Variants in RNF2 observed in about 807,000 individuals in gnomAD.
The protein encoded by RNF2 is ring finger protein 2.
Under a neutral mutation model 37.2 loss-of-function variants are expected in RNF2, and 6 were observed. The observed-to-expected ratio is 0.16, with a 90% CI of 0.09 to 0.32. RNF2 has a LOEUF of 0.32. Ranked by LOEUF, RNF2 falls within the 10% of genes least tolerant of loss-of-function variation. The probability of loss-of-function intolerance (pLI) is 1.00; values close to 1 mark genes in which losing one functional copy is unlikely to be tolerated. For missense variants in RNF2, 251 were observed against 404.0 expected, an observed-to-expected ratio of 0.62 and a Z score of 3.25; for synonymous variants, 133 against 132.7, an observed-to-expected ratio of 1.00 and a Z score of -0.02.
chr1:185,062,791 T>C (rs1650649573), intron 1 of RNF2, among the ~76,000 whole-genome samples: 1 of 150,214 alleles, frequency 6.7e-6, no homozygotes, highest in Non-Finnish European at 1.5e-5. Flanking sequence ...CAGAAATGGA[T>C]ATAAATAATT....
chr1:185,077,835 CATT>C (rs771761349), intron 1 of RNF2, among the ~76,000 whole-genome samples: 2 of 148,064 alleles, frequency 1.4e-5, no homozygotes, highest in African/African-American at 5.0e-5. Context: ...TTTTTTCAGT[CATT>C]ATTGTTTTAT....
chr1:185,094,635 C>G (rs912697828), intron 4 of RNF2, among the ~76,000 whole-genome samples: 3 of 152,178 alleles, frequency 2.0e-5, no homozygotes, highest in Non-Finnish European at 2.9e-5. Flanking sequence ...CTCAGCACAG[C>G]AGCCAGAGAT....
intron 1 of RNF2, among the ~76,000 whole-genome samples, chr1:185,059,375 A>G (rs1650533943): frequency 6.6e-6 from 1 of 152,148 alleles, no homozygotes; most frequent in Non-Finnish European, 1.5e-5. Flanking sequence ...TCTGTGCCTT[A>G]TTGTAATATG....
intron 1 of RNF2, among the ~76,000 whole-genome samples, chr1:185,082,025 C>G (rs1651427412): frequency 6.6e-6 from 1 of 152,102 alleles, no homozygotes. Context: ...CACTAGTTAC[C>G]AAATAAAATC....
At chr1:185,099,010 A>G (rs975172590) in intron 5 of RNF2, among the ~76,000 whole-genome samples, 8 of 149,700 alleles carry the variant, frequency 5.3e-5, no homozygotes, top group Non-Finnish European at 7.4e-5. Context: ...TTGGCCTCCC[A>G]AAGTGCTGGG....
At chr1:185,052,643 G>T (rs1344172648) in intron 1 of RNF2, among the ~76,000 whole-genome samples, 1 of 152,190 alleles carries the variant, frequency 6.6e-6, no homozygotes, top group Admixed American at 6.5e-5. Flanking sequence ...ACAAGACTGT[G>T]AATGCGCTAA....
chr1:185,046,922 T>C (rs1388462727), intron 1 of RNF2, among the ~76,000 whole-genome samples: 1 of 152,240 alleles, frequency 6.6e-6, no homozygotes, highest in Admixed American at 6.5e-5. Context: ...GAGAGTTTGC[T>C]TCTTATAGTG....
chr1:185,076,723 A>T (rs1040022892), intron 1 of RNF2, among the ~76,000 whole-genome samples: 1 of 151,484 alleles, frequency 6.6e-6, no homozygotes, highest in Non-Finnish European at 1.5e-5. Context: ...CTAAATTCAC[A>T]TATCTGTTTT....
chr1:185,091,428 G>C (rs1651762715), intron 2 of RNF2, 151 bp from the exon 3 acceptor site: 4 of 669,204 alleles, frequency 6.0e-6, no homozygotes, highest in South Asian at 4.6e-5. Context: ...GATTATAGTT[G>C]AAACAAAATT....
At chr1:185,092,997 AT>A (rs1651812988) in intron 3 of RNF2, 63 bp from the exon 4 acceptor site, 2 of 1,409,950 alleles carry the variant, frequency 1.4e-6, no homozygotes, top group Non-Finnish European at 1.0e-6. Flanking sequence ...GAAGCTGGGT[AT>A]TTTTGTCTTT....
At chr1:185,081,715 C>T (rs1170188776) in intron 1 of RNF2, among the ~76,000 whole-genome samples, 1 of 151,966 alleles carries the variant, frequency 6.6e-6, no homozygotes, top group Non-Finnish European at 1.5e-5. Flanking sequence ...TGGCCTCTGT[C>T]AACTTTTGAA....
At chr1:185,046,210 G>A (rs1650114667) in intron 1 of RNF2, 1 of 152,276 alleles carries the variant, frequency 6.6e-6, no homozygotes, top group Non-Finnish European at 1.5e-5. Context: ...TCGACCTCGG[G>A]GTTCCTCGGG....
At chr1:185,088,498 G>A (rs973894561) in intron 2 of RNF2, among the ~76,000 whole-genome samples, 2 of 151,762 alleles carry the variant, frequency 1.3e-5, no homozygotes, top group Admixed American at 6.6e-5. Flanking sequence ...GGTGGTTGCA[G>A]TGAGCCGAGA....
chr1:185,059,860 TAG>T (rs1190254295), intron 1 of RNF2, among the ~76,000 whole-genome samples: 1 of 152,234 alleles, frequency 6.6e-6, no homozygotes. Flanking sequence ...TAGAAGAGTG[TAG>T]AGGTATTAGC....
chr1:185,061,609 G>A (rs920059299), intron 1 of RNF2, among the ~76,000 whole-genome samples: 1 of 152,136 alleles, frequency 6.6e-6, no homozygotes, highest in Non-Finnish European at 1.5e-5. Flanking sequence ...GGAAAAAAAC[G>A]GCAGGAATCA....
intron 1 of RNF2, among the ~76,000 whole-genome samples, chr1:185,060,653 G>A (rs967024448): frequency 6.6e-6 from 1 of 152,180 alleles, no homozygotes; most frequent in Non-Finnish European, 1.5e-5. Flanking sequence ...GTTGACTAAT[G>A]GGTCACTAGA....
intron 1 of RNF2, among the ~76,000 whole-genome samples, chr1:185,068,000 C>T (rs1053208552): frequency 4.8e-4 from 30 of 61,888 alleles, no homozygotes; most frequent in Middle Eastern, 6.0e-3. Flanking sequence ...TGAGCCACAG[C>T]GCCCGGCCTT....
chr1:185,093,409 A>T, intron 4 of RNF2, 133 bp downstream of exon 4: 4 of 716,160 alleles, frequency 5.6e-6, no homozygotes, highest in South Asian at 1.9e-5. Flanking sequence ...GTGCAGGTAT[A>T]ATACATGCCT....
chr1:185,087,748 C>A, intron 2 of RNF2, 108 bp downstream of exon 2: 1 of 801,314 alleles, frequency 1.2e-6, no homozygotes, highest in South Asian at 1.6e-5. Context: ...AATTTATATT[C>A]AAGCATTCCT....
Sources: gnomAD v4.1 joint callset for allele counts (sites outside exome capture counted in the v4.1 genomes callset) on GRCh38, gnomAD v4.1.1 for gene constraint, MANE v1.5 for transcripts, NCBI Gene and HGNC (gene_info 2026-07-23, HGNC 2026-07-21) for gene names.